Variants in ARSG observed in about 807,000 individuals in gnomAD.
ARSG encodes the protein arylsulfatase G, also known as ASG.
ARSG carries 37 observed loss-of-function variants against 50.5 expected under a neutral mutation model. The ratio of observed to expected loss-of-function variants is 0.73; its 90% confidence interval spans 0.56 to 0.96. The LOEUF is 0.96. Ranked by LOEUF, ARSG falls within the 50% of genes least tolerant of loss-of-function variation. The probability of loss-of-function intolerance (pLI) is 0.00; values close to 1 mark genes in which losing one functional copy is unlikely to be tolerated. For missense variants in ARSG, 629 were observed against 675.3 expected, an observed-to-expected ratio of 0.93 and a Z score of 0.76; for synonymous variants, 225 against 254.6, an observed-to-expected ratio of 0.88 and a Z score of 1.11.
intron 8 of ARSG, among the ~76,000 whole-genome samples, chr17:68,377,614 C>G (rs962963193): frequency 1.3e-5 from 2 of 152,168 alleles, no homozygotes; most frequent in African/African-American, 2.4e-5. Flanking sequence ...CTAATGATAA[C>G]CCCCATTAGA....
intron 1 of ARSG, among the ~76,000 whole-genome samples, chr17:68,302,710 T>C (rs1279875303): frequency 6.6e-6 from 1 of 152,138 alleles, no homozygotes; most frequent in Non-Finnish European, 1.5e-5. Flanking sequence ...TGGAGAAGAA[T>C]AGGAATCATG....
At chr17:68,451,006 G>A in the ARSG span, 4 of 1,422,694 alleles carry the variant, frequency 2.8e-6, no homozygotes, top group Non-Finnish European at 2.8e-6. Context: ...GGTTCTCCGG[G>A]TCTTGCCGGC....
At chr17:68,417,732 A>ATTTT (rs1228418754) in intron 11 of ARSG, among the ~76,000 whole-genome samples, 24 of 63,214 alleles carry the variant, frequency 3.8e-4, no homozygotes, top group Non-Finnish European at 6.4e-4. Flanking sequence ...AGAGTTGCTG[A>ATTTT]ATTTTTTTTT....
chr17:68,419,345 G>A (rs982167835), intron 11 of ARSG, among the ~76,000 whole-genome samples: 2 of 152,202 alleles, frequency 1.3e-5, no homozygotes, highest in African/African-American at 4.8e-5. Flanking sequence ...CAGATCATGA[G>A]GTTAGGAGTT....
At chr17:68,290,667 G>A (rs531497063), upstream of ARSG, among the ~76,000 whole-genome samples, 3 of 152,362 alleles carry the variant, frequency 2.0e-5, no homozygotes, top group East Asian at 5.8e-4. Flanking sequence ...GCCTGGGGTA[G>A]GAAGGTACCT....
chr17:68,346,699 C>T, intron 3 of ARSG: 1 of 1,215,088 alleles, frequency 8.2e-7, no homozygotes, highest in Non-Finnish European at 1.0e-6. Context: ...ATGATGAAAC[C>T]AGGCAGGAAG....
chr17:68,336,894 A>C (rs546227172), intron 2 of ARSG, among the ~76,000 whole-genome samples: 1 of 152,226 alleles, frequency 6.6e-6, no homozygotes, highest in East Asian at 1.9e-4. Context: ...AAGAAAAAGA[A>C]AGAAAAATAT....
chr17:68,436,857 G>A, the ARSG span, among the ~76,000 whole-genome samples: 5 of 152,094 alleles, frequency 3.3e-5, no homozygotes, highest in African/African-American at 9.7e-5. Flanking sequence ...AGCTGGGCAT[G>A]GTGGTGCGTG....
downstream of ARSG, chr17:68,421,074 TCAAA>T (rs772086688): frequency 7.7e-5 from 12 of 155,160 alleles, no homozygotes; most frequent in Non-Finnish European, 1.4e-4. Flanking sequence ...TACATTTCTA[TCAAA>T]CAATGCCTTG....
rs1273121025 is a variant in ARSG at position 68,388,928 on chromosome 17, A to AC, written c.1091+3756_1091+3757insC. The stretch of plus-strand genomic sequence containing the variant: ...CGACAGTGAGACTCTGTCTCAAAAA[A>AC]AAAAAAAAAAAAAAAAAGAAAAACA... On this transcript the variant is annotated intron_variant, in intron 9 of 11. Transcript: ENST00000621439. 3.6e-5 allele frequency among the ~76,000 whole-genome samples: 5 copies of AC among 139,262 alleles called. No homozygotes were observed. In the East Asian group the frequency reaches 9.8e-4, roughly 27 times the overall value. The allele number at this position is 139,262 out of a possible 152,430, so 91.4% of individuals were successfully genotyped here. A position where few individuals can be genotyped will look rare whatever the true frequency, so the allele number is the denominator to read the frequency against.
At chr17:68,267,270 C>T (rs1047532) in intron 1 of ARSG, 8 of 152,198 alleles carry the variant, frequency 5.3e-5, no homozygotes, top group African/African-American at 7.2e-5. Flanking sequence ...AAAAATATGT[C>T]GTAAAGTGCT....
At chr17:68,380,990 G>A (rs979649737) in intron 8 of ARSG, among the ~76,000 whole-genome samples, 7 of 152,142 alleles carry the variant, frequency 4.6e-5, no homozygotes, top group Non-Finnish European at 8.8e-5. Flanking sequence ...GAATTACCTA[G>A]AATCAGAGCC....
the ARSG span, chr17:68,434,479 T>C: frequency 6.7e-7 from 1 of 1,492,488 alleles, no homozygotes; most frequent in Non-Finnish European, 9.2e-7. Flanking sequence ...CTCTCTGTCC[T>C]CTCCCTAGAC....
intron 9 of ARSG, 139 bp from the exon 10 acceptor site, chr17:68,394,934 A>G (rs2081166764): frequency 5.8e-6 from 7 of 1,209,092 alleles, no homozygotes; most frequent in Non-Finnish European, 8.0e-6. Context: ...AGGAAAAACA[A>G]GCAGGTAGAG....
At chr17:68,267,520 A>C (rs2075196104) in intron 1 of ARSG, 1 of 152,190 alleles carries the variant, frequency 6.6e-6, no homozygotes, top group African/African-American at 2.4e-5. Flanking sequence ...AGAAATATTC[A>C]AGCTTGTGTG....
intron 2 of ARSG, among the ~76,000 whole-genome samples, chr17:68,307,985 TGTCTG>T (rs1478336424): frequency 6.6e-6 from 1 of 152,080 alleles, no homozygotes; most frequent in African/African-American, 2.4e-5. Context: ...AGTTATTCAT[TGTCTG>T]GTAGAGAAGA....
chr17:68,359,985 A>C (rs1175721193), intron 6 of ARSG, among the ~76,000 whole-genome samples: 2 of 152,122 alleles, frequency 1.3e-5, no homozygotes, highest in Non-Finnish European at 2.9e-5. Flanking sequence ...GGATGCTTCA[A>C]GGCTAGTGGG....
intron 11 of ARSG, chr17:68,413,747 T>A (rs1337539341): frequency 6.3e-6 from 1 of 159,926 alleles, no homozygotes; most frequent in Non-Finnish European, 1.4e-5. Context: ...CTCAGACTGC[T>A]GTGCTAGCAA....
intron 1 of ARSG, among the ~76,000 whole-genome samples, chr17:68,280,314 A>G (rs528577287): frequency 2.6e-5 from 4 of 152,368 alleles, no homozygotes; most frequent in African/African-American, 9.6e-5. Flanking sequence ...TGGAACCACA[A>G]AAGATCATGA....
Sources: gnomAD v4.1 joint callset for allele counts (sites outside exome capture counted in the v4.1 genomes callset) on GRCh38, gnomAD v4.1.1 for gene constraint, MANE v1.5 for transcripts, NCBI Gene and HGNC (gene_info 2026-07-23, HGNC 2026-07-21) for gene names.